Variants in ITGA2 observed in about 807,000 individuals in gnomAD.
ITGA2 encodes integrin subunit alpha 2, also known as integrin alpha-2.
ITGA2 carries 101 observed loss-of-function variants against 146.3 expected under a neutral mutation model. The ratio of observed to expected loss-of-function variants is 0.69; its 90% CI spans 0.59 to 0.81. ITGA2 has a LOEUF of 0.81. Among genes scored for constraint, ITGA2 ranks in the 40% least tolerant of loss-of-function variants. The pLI is 0.00. For synonymous variants in ITGA2, 477 were observed against 487.1 expected, an observed-to-expected ratio of 0.98 and a Z score of 0.27; for missense variants, 1,281 against 1,402.7, an observed-to-expected ratio of 0.91 and a Z score of 1.39.
chr5:53,022,876 A>G (rs1031568393), intron 1 of ITGA2, among the ~76,000 whole-genome samples: 3 of 152,170 alleles, frequency 2.0e-5, no homozygotes, highest in Admixed American at 1.3e-4. Context: ...TATCTGGTTT[A>G]CTTATGGATA....
chr5:53,013,081 C>T (rs547775892), intron 1 of ITGA2, among the ~76,000 whole-genome samples: 1 of 152,218 alleles, frequency 6.6e-6, no homozygotes, highest in South Asian at 2.1e-4. Flanking sequence ...GTTTATTTTG[C>T]TGTACAGAAG....
intron 11 of ITGA2, among the ~76,000 whole-genome samples, 199 bp from the exon 12 acceptor site, chr5:53,060,702 G>A (rs187441028): frequency 1.2e-4 from 18 of 151,958 alleles, no homozygotes; most frequent in East Asian, 5.8e-4. Context: ...ACCTGCAAAG[G>A]GAAGTGCTGC....
At chr5:53,025,973 A>G (rs1250661884) in intron 1 of ITGA2, among the ~76,000 whole-genome samples, 6 of 151,728 alleles carry the variant, frequency 4.0e-5, no homozygotes, top group African/African-American at 1.5e-4. Context: ...CAAAAAAAAT[A>G]AAATAAAATC....
chr5:53,046,511 T>G (rs911283933), intron 4 of ITGA2, among the ~76,000 whole-genome samples: 2 of 151,954 alleles, frequency 1.3e-5, no homozygotes, highest in African/African-American at 4.8e-5. Flanking sequence ...TTTAATCTTT[T>G]TGTTTTTTGA....
intron 1 of ITGA2, 88 bp downstream of exon 1, chr5:52,989,620 A>G: frequency 7.0e-7 from 1 of 1,435,890 alleles, no homozygotes; most frequent in Non-Finnish European, 9.8e-7. Flanking sequence ...GGAACTAGGG[A>G]GCGAGCTCCG....
intron 2 of ITGA2, among the ~76,000 whole-genome samples, chr5:53,030,179 T>C (rs1743158307): frequency 6.6e-6 from 1 of 152,208 alleles, no homozygotes; most frequent in Admixed American, 6.5e-5. Flanking sequence ...CAGCCATATC[T>C]CCTTTCTCTG....
At chr5:53,041,973 C>T in intron 2 of ITGA2, 139 bp from the exon 3 acceptor site, 1 of 664,396 alleles carries the variant, frequency 1.5e-6, no homozygotes, top group East Asian at 2.8e-5. Flanking sequence ...AGCAGAAAGG[C>T]AGCAGGTCAA....
At chr5:53,019,852 G>A (rs62357230) in intron 1 of ITGA2, among the ~76,000 whole-genome samples, 4,685 of 152,140 alleles carry the variant, frequency 0.031, 86 homozygotes, top group Middle Eastern at 0.037. Context: ...ACTTCATAAT[G>A]GCCCCAAAGT....
chr5:53,007,107 C>T (rs564615605), intron 1 of ITGA2, among the ~76,000 whole-genome samples: 1 of 152,200 alleles, frequency 6.6e-6, no homozygotes, highest in South Asian at 2.1e-4. Context: ...CTCTTGTTCT[C>T]TTTAGAGAAT....
chr5:53,072,879 T>G (rs989018698), intron 19 of ITGA2, among the ~76,000 whole-genome samples, 184 bp downstream of exon 19: 1 of 151,820 alleles, frequency 6.6e-6, no homozygotes, highest in Non-Finnish European at 1.5e-5. Flanking sequence ...AAATATAAAA[T>G]TATCTGTATT....
At chr5:53,030,684 T>G (rs767727982) in intron 2 of ITGA2, among the ~76,000 whole-genome samples, 3 of 152,112 alleles carry the variant, frequency 2.0e-5, no homozygotes, top group Non-Finnish European at 4.4e-5. Context: ...GTGCAAAAAA[T>G]GCAAAACATA....
chr5:53,075,714 T>G (rs1368904752), intron 23 of ITGA2, among the ~76,000 whole-genome samples: 1 of 152,030 alleles, frequency 6.6e-6, no homozygotes, highest in Non-Finnish European at 1.5e-5. Context: ...TCCTGGACAT[T>G]GAAGCCCCAA....
At chr5:53,007,385 G>T (rs899685236) in intron 1 of ITGA2, among the ~76,000 whole-genome samples, 9 of 152,028 alleles carry the variant, frequency 5.9e-5, no homozygotes, top group African/African-American at 2.2e-4. Flanking sequence ...AGTTATGTCT[G>T]TTTTTTCCAT....
At chr5:53,077,260 A>G (rs1486010548) in intron 23 of ITGA2, among the ~76,000 whole-genome samples, 1 of 152,084 alleles carries the variant, frequency 6.6e-6, no homozygotes, top group Admixed American at 6.6e-5. Context: ...TTTAACCATC[A>G]TAAGCAATGC....
chr5:53,002,532 T>C (rs1282356611), intron 1 of ITGA2, among the ~76,000 whole-genome samples: 1 of 152,200 alleles, frequency 6.6e-6, no homozygotes, highest in Non-Finnish European at 1.5e-5. Context: ...TATATACTTT[T>C]CCATGTGAGT....
At chr5:53,000,533 C>T (rs1390255972) in intron 1 of ITGA2, among the ~76,000 whole-genome samples, 1 of 152,090 alleles carries the variant, frequency 6.6e-6, no homozygotes, top group East Asian at 1.9e-4. Context: ...ATATGTCTGC[C>T]TACACTTCAT....
At chr5:53,086,587 A>G (rs529430986) in intron 27 of ITGA2, among the ~76,000 whole-genome samples, 57 of 152,334 alleles carry the variant, frequency 3.7e-4, no homozygotes, top group Non-Finnish European at 5.7e-4. Context: ...TTTTTAAAAA[A>G]TCTGAACTGT....
chr5:53,023,358 T>A (rs1373746585), intron 1 of ITGA2, among the ~76,000 whole-genome samples: 2 of 152,246 alleles, frequency 1.3e-5, no homozygotes, highest in Non-Finnish European at 2.9e-5. Context: ...CTTTATGTAG[T>A]GAATTCCAAC....
chr5:53,024,196 T>C (rs1742823336), intron 1 of ITGA2, among the ~76,000 whole-genome samples: 1 of 152,220 alleles, frequency 6.6e-6, no homozygotes, highest in South Asian at 2.1e-4. Flanking sequence ...GTTTTGCTGT[T>C]CCACAGGATT....
Sources: gnomAD v4.1 joint callset for allele counts (sites outside exome capture counted in the v4.1 genomes callset) on GRCh38, gnomAD v4.1.1 for gene constraint, MANE v1.5 for transcripts, NCBI Gene and HGNC (gene_info 2026-07-23, HGNC 2026-07-21) for gene names.